RNF228: variants seen among roughly 807,000 people sequenced by gnomAD.
The protein encoded by RNF228 is ring finger protein 228.
the RNF228 span, chr2:222,317,983 T>C: frequency 6.6e-6 from 1 of 152,210 alleles, no homozygotes; most frequent in Admixed American, 6.5e-5. Flanking sequence ...TCTGGAAATC[T>C]TAATGCACAA....
the RNF228 span, chr2:222,317,766 T>C: frequency 6.6e-6 from 1 of 152,224 alleles, no homozygotes; most frequent in Non-Finnish European, 1.5e-5. Flanking sequence ...TATATATCTT[T>C]TGTAGCCAAA....
the RNF228 span, chr2:222,319,202 G>C: frequency 3.1e-6 from 1 of 320,146 alleles, no homozygotes. This position sits in a 1 kb window ranked among gnomAD's most constrained non-coding sequence, Gnocchi z 7.6. Flanking sequence ...CCGACAGGCA[G>C]ATGGGCCCCA....
chr2:222,320,102 G>A, the RNF228 span, among the ~76,000 whole-genome samples: 1 of 152,116 alleles, frequency 6.6e-6, no homozygotes, highest in Non-Finnish European at 1.5e-5. Flanking sequence ...AAGGTGAGGT[G>A]CCTTCCTCCC....
At chr2:222,316,518 T>G in the RNF228 span, among the ~76,000 whole-genome samples, 1 of 152,170 alleles carries the variant, frequency 6.6e-6, no homozygotes, top group Non-Finnish European at 1.5e-5. Context: ...ATCTTTTAGG[T>G]TACATTATTG....
At chr2:222,319,619 C>CG in the RNF228 span, among the ~76,000 whole-genome samples, 1 of 146,070 alleles carries the variant, frequency 6.8e-6, no homozygotes, top group Non-Finnish European at 1.5e-5. This position sits in a 1 kb window ranked among gnomAD's most constrained non-coding sequence, Gnocchi z 7.6. Flanking sequence ...GCAAAGCCAG[C>CG]GGGAAGGCCT....
chr2:222,317,347 A>G, the RNF228 span: 2 of 152,206 alleles, frequency 1.3e-5, no homozygotes, highest in South Asian at 4.1e-4. Flanking sequence ...AATGGCCAAT[A>G]AATTACTTCA....
chr2:222,320,011 G>A, the RNF228 span, among the ~76,000 whole-genome samples: 2 of 152,146 alleles, frequency 1.3e-5, no homozygotes, highest in South Asian at 4.1e-4. Context: ...CGGCTCCCGG[G>A]GCTGCTGCTT....
chr2:222,316,722 T>C, the RNF228 span, among the ~76,000 whole-genome samples: 2 of 152,336 alleles, frequency 1.3e-5, no homozygotes, highest in South Asian at 4.1e-4. Context: ...TCTTTAAACA[T>C]AAACCTAATA....
the RNF228 span, chr2:222,318,822 A>G: frequency 7.6e-6 from 1 of 131,830 alleles, no homozygotes; most frequent in Non-Finnish European, 1.6e-5. Context: ...TCTCTGGCCC[A>G]GCGCGAAGGG....
the RNF228 span, among the ~76,000 whole-genome samples, chr2:222,319,545 G>GGCGCGGGCAGGC: frequency 2.7e-5 from 4 of 145,690 alleles, no homozygotes; most frequent in Non-Finnish European, 6.1e-5. This position sits in a 1 kb window ranked among gnomAD's most constrained non-coding sequence, Gnocchi z 7.6. Flanking sequence ...GGCAGCAGCG[G>GGCGCGGGCAGGC]GCGCGGGCAG....
the RNF228 span, chr2:222,318,015 C>G: frequency 1.3e-5 from 2 of 151,876 alleles, no homozygotes; most frequent in African/African-American, 4.8e-5. Context: ...TTTATATATT[C>G]AAAAATAAAT....
the RNF228 span, among the ~76,000 whole-genome samples, chr2:222,314,766 G>A: frequency 3.9e-5 from 6 of 152,244 alleles, no homozygotes; most frequent in South Asian, 8.3e-4. Flanking sequence ...TTATTAAAAC[G>A]GCAAAGATTG....
the RNF228 span, chr2:222,318,756 G>C: frequency 4.8e-5 from 7 of 146,438 alleles, 1 homozygote; most frequent in African/African-American, 1.7e-4. Flanking sequence ...ATTTTGCACA[G>C]TCCAGGCAAA....
At chr2:222,316,432 C>T in the RNF228 span, among the ~76,000 whole-genome samples, 1 of 152,204 alleles carries the variant, frequency 6.6e-6, no homozygotes, top group African/African-American at 2.4e-5. Context: ...TTTACACGTG[C>T]AATCTATAAT....
chr2:222,317,909 C>T, the RNF228 span: 1 of 152,120 alleles, frequency 6.6e-6, no homozygotes, highest in Non-Finnish European at 1.5e-5. Context: ...ATTTTCTGCT[C>T]CTAATTTCGA....
the RNF228 span, among the ~76,000 whole-genome samples, chr2:222,314,438 A>G: frequency 6.6e-6 from 1 of 152,260 alleles, no homozygotes; most frequent in Non-Finnish European, 1.5e-5. Flanking sequence ...TCAGAAATAG[A>G]TACTACTGTA....
chr2:222,318,664 C>T, the RNF228 span: 7 of 152,368 alleles, frequency 4.6e-5, no homozygotes, highest in East Asian at 1.4e-3. Flanking sequence ...CCCCTTGCTT[C>T]GTCTCTGCAG....
At chr2:222,315,724 C>G in the RNF228 span, among the ~76,000 whole-genome samples, 1 of 152,190 alleles carries the variant, frequency 6.6e-6, no homozygotes, top group Non-Finnish European at 1.5e-5. Flanking sequence ...CAGGCTTACA[C>G]CTCCTGCCTG....
the RNF228 span, chr2:222,319,519 C>T: frequency 0.011 from 917 of 84,158 alleles, 8 homozygotes; most frequent in African/African-American, 0.037. The surrounding 1 kb of genome is among the most constrained non-coding windows in gnomAD (Gnocchi z 7.6). Context: ...GGTGGCGGGG[C>T]CGGGGTGGGC....
Sources: gnomAD v4.1 joint callset for allele counts (sites outside exome capture counted in the v4.1 genomes callset) on GRCh38, gnomAD v4.1.1 for gene constraint, Gnocchi (gnomAD v3.1) non-coding constraint, MANE v1.5 for transcripts, NCBI Gene and HGNC (gene_info 2026-07-23, HGNC 2026-07-21) for gene names.